Variants in SMIM27 observed in about 807,000 individuals in gnomAD.
SMIM27 encodes the protein transition zone microprotein 1.
In SMIM27, 3 loss-of-function variants were observed where a neutral mutation model predicts 1.8. The ratio of observed to expected loss-of-function variants is 1.65; its 90% confidence interval spans 0.75 to 4.28. The LOEUF is 4.28. SMIM27 is among the 30% of genes most tolerant of loss of function. The pLI is 0.02. For synonymous variants in SMIM27, 19 were observed against 13.9 expected, an observed-to-expected ratio of 1.37 and a Z score of -0.82; for missense variants, 63 against 37.0, an observed-to-expected ratio of 1.70 and a Z score of -1.83.
chr9:32,553,106 AGCAACCTAAATCTGACAGTCTTG>A (rs141317544), downstream of SMIM27: 3,676 of 506,168 alleles, frequency 7.3e-3, 119 homozygotes, highest in African/African-American at 0.066. Context: ...CAAAATTAAC[AGCAACCTAAATCTGACAGTCTTG>A]AGTGTCAGAT....
chr9:32,551,161 C>G, upstream of SMIM27: 1 of 675,528 alleles, frequency 1.5e-6, no homozygotes, highest in Non-Finnish European at 2.6e-6. Context: ...CTCCAGACCC[C>G]GGAGGAGGGC....
downstream of SMIM27, among the ~76,000 whole-genome samples, chr9:32,555,750 A>C (rs1361445997): frequency 6.6e-6 from 1 of 152,240 alleles, no homozygotes; most frequent in Admixed American, 6.5e-5. Flanking sequence ...CATGCTTCCC[A>C]ATACCATTTA....
downstream of SMIM27, among the ~76,000 whole-genome samples, chr9:32,554,895 A>C (rs116495131): frequency 5.0e-3 from 759 of 152,318 alleles, 5 homozygotes; most frequent in African/African-American, 0.017. Context: ...CTGACTGCCT[A>C]ATGAACTTGA....
downstream of SMIM27, among the ~76,000 whole-genome samples, chr9:32,557,045 A>G (rs2119002358): frequency 6.7e-6 from 1 of 149,374 alleles, no homozygotes; most frequent in South Asian, 2.1e-4. Context: ...AATAGTAGAG[A>G]TGGAGTTTCA....
chr9:32,551,250 A>C (rs1821251268), upstream of SMIM27: 1 of 574,374 alleles, frequency 1.7e-6, no homozygotes, highest in Non-Finnish European at 3.1e-6. Flanking sequence ...ACTTACCCGG[A>C]AAACACGAGA....
intron 1 of SMIM27, chr9:32,566,247 G>C: frequency 9.9e-7 from 1 of 1,007,366 alleles, no homozygotes; most frequent in Non-Finnish European, 1.6e-6. Context: ...TTTTCTTATG[G>C]CAGACAACAC....
intron 1 of SMIM27, among the ~76,000 whole-genome samples, chr9:32,562,217 C>T (rs1821646317): frequency 6.6e-6 from 1 of 152,190 alleles, no homozygotes; most frequent in African/African-American, 2.4e-5. Flanking sequence ...TACCTATCTT[C>T]CAACTTTACT....
At chr9:32,565,282 A>T (rs887645496) in intron 1 of SMIM27, 1 of 149,092 alleles carries the variant, frequency 6.7e-6, no homozygotes, top group African/African-American at 2.5e-5. Flanking sequence ...ACACAGTGAG[A>T]CCCTGTCTCA....
rs1821666111 is a variant in SMIM27 at position 32,562,915 on chromosome 9, G to A, written c.46-3476G>A. 2.0e-5 allele frequency among the ~76,000 whole-genome samples: 3 copies of A among 152,160 alleles called. No individual in the cohort carries two copies. The South Asian group carries it at 6.2e-4, about 32-fold the overall frequency. ...AGATAATGCAATTATGCCTATTAAT[G>A]AAGAATTGCATTTAGTTGGCATATC... On this transcript the variant is annotated intron_variant, in intron 1 of 1. Transcript: ENST00000451672.
rs1372471573 is a variant in SMIM27, at chr9:32,552,868, G to C, written c.113G>C (p.Arg38Pro). 2.8e-6 allele frequency: 2 copies of C among 702,562 alleles called. No individual in the cohort carries two copies. Among genetic ancestry groups the C allele is most frequent in the East Asian group, 5.4e-5 (2 of 37,284 alleles). The allele number at this position is 702,562 out of a possible 1,614,324, so 43.5% of individuals were successfully genotyped here. A position where few individuals can be genotyped will look rare whatever the true frequency, so the allele number is the denominator to read the frequency against. ...TATGCTTCGATGGTGTCTGCAAGAC[G>C]ACAGCTAAGGAAGAAATACCCAGAC... The part of the protein sequence containing the change: ...IIYASMVSAR[R>P]QLRKKYPDKI... Residue 38 changes from arginine (R) to proline (P), a missense_variant, in exon 2 of 2, where the codon CGA becomes CCA. By Grantham distance (103) the Arg-to-Pro change is moderately radical. Transcript: ENST00000692500.
chr9:32,566,729 G>T, exon 2 of SMIM27: 1 of 899,644 alleles, frequency 1.1e-6, no homozygotes, highest in Non-Finnish European at 1.9e-6. Flanking sequence ...GGGACTCCAA[G>T]CCTTCAAACC....
At chr9:32,551,316 C>A (rs966957232), upstream of SMIM27, 29 of 444,986 alleles carry the variant, frequency 6.5e-5, no homozygotes, top group Non-Finnish European at 1.1e-4. Context: ...AGGAAATTAT[C>A]TTTAGTGTCT....
chr9:32,558,056 C>CT (rs1310433755), intron 1 of SMIM27, among the ~76,000 whole-genome samples: 1 of 152,024 alleles, frequency 6.6e-6, no homozygotes, highest in African/African-American at 2.4e-5. Flanking sequence ...ACTGAGTCAC[C>CT]TTTTAATGCT....
At position 32,552,974 on chromosome 9, in the gene SMIM27, GTAGA is replaced by G. The variant is rs1357434957; in HGVS notation, c.*54_*57del. ...ATACAGTTCTTTCCCTCATGCTTAT[GTAGA>G]TATAAAAATAAAATTCATAATGCAA... On this transcript the variant is annotated 3_prime_UTR_variant, in exon 2 of 2. Coordinates refer to ENST00000692500, the MANE Select transcript of SMIM27 (RefSeq NM_001387564.1). 1.6e-6 allele frequency: 1 copy of G among 633,124 alleles called. No individual in the cohort carries two copies. The highest frequency in any genetic ancestry group is 1.8e-5 in the African/African-American group (1 of 54,320). 39.2% of individuals were successfully genotyped at this position (633,124 alleles called of 1,614,324 possible). A position where few individuals can be genotyped will look rare whatever the true frequency, so the allele number is the denominator to read the frequency against.
rs1340572731 is a variant in SMIM27, at chr9:32,552,414, G to T, written c.-21G>T. On this transcript the variant is annotated 5_prime_UTR_variant, in exon 1 of 2. Transcript: ENST00000692500. ...CCCGCAGCTCCCGCCAGCTCCCGCG[G>T]ACTGCTGCCGCCTCCTTACCATGAA... 5.6e-6 allele frequency: 9 copies of T among 1,608,988 alleles called. No homozygotes were observed. In the African/African-American group the frequency reaches 6.7e-5, roughly 12 times the overall value.
chr9:32,552,930 T>C lies in SMIM27; in HGVS notation c.*7T>C. ...GACGAATGAAAATTTGTAACTCTTC[T>C]GGATTTAATTATCTGAAAATACAGT... On this transcript the variant is annotated 3_prime_UTR_variant, in exon 2 of 2. Transcript: ENST00000692500. 2 of 699,168 alleles carry C rather than the reference T, an allele frequency of 2.9e-6. No homozygotes were observed. Among genetic ancestry groups the C allele is most frequent in the Non-Finnish European group, 5.2e-6 (2 of 383,676 alleles). 43.3% of individuals were successfully genotyped at this position (699,168 alleles called of 1,614,324 possible).
chr9:32,564,854 C>T (rs1367729836), intron 1 of SMIM27, among the ~76,000 whole-genome samples: 2 of 152,200 alleles, frequency 1.3e-5, no homozygotes, highest in Non-Finnish European at 2.9e-5. Context: ...TCCTTTTGCA[C>T]TATGTAAATG....
chr9:32,555,773 G>A (rs537398029), downstream of SMIM27, among the ~76,000 whole-genome samples: 6 of 152,230 alleles, frequency 3.9e-5, no homozygotes, highest in Non-Finnish European at 8.8e-5. Flanking sequence ...TGTGGTCTAG[G>A]TAGATAATGA....
At chr9:32,557,502 A>G (rs1821499902), downstream of SMIM27, among the ~76,000 whole-genome samples, 1 of 144,184 alleles carries the variant, frequency 6.9e-6, no homozygotes, top group African/African-American at 2.6e-5. Flanking sequence ...TTTTTTTGAG[A>G]TGGAGTTTCA....
Sources: gnomAD v4.1 joint callset for allele counts (sites outside exome capture counted in the v4.1 genomes callset) on GRCh38, gnomAD v4.1.1 for gene constraint, MANE v1.5 for transcripts, NCBI Gene and HGNC (gene_info 2026-07-23, HGNC 2026-07-21) for gene names.